GLRA3: variants seen among roughly 807,000 people sequenced by gnomAD.
GLRA3 encodes the protein glycine receptor alpha 3, also known as glycine receptor subunit alpha-3.
In GLRA3, 44 loss-of-function variants were observed where a neutral mutation model predicts 60.4. That is an observed-to-expected ratio of 0.73 (90% confidence interval 0.57 to 0.94). The LOEUF is 0.94. GLRA3 is among the 40% of genes least tolerant of loss of function. GLRA3 has a pLI of 0.00. For missense variants in GLRA3, 508 were observed against 564.6 expected (o/e 0.90, Z 1.02); for synonymous variants, 223 against 192.9 (o/e 1.16, Z -1.29).
intron 2 of GLRA3, among the ~76,000 whole-genome samples, chr4:174,767,485 A>G (rs1469796972): frequency 1.3e-5 from 2 of 151,804 alleles, no homozygotes; most frequent in Non-Finnish European, 2.9e-5. Context: ...CTCCAATCCA[A>G]AGTTTGTTGT....
chr4:174,653,622 T>C (rs1363015837), intron 9 of GLRA3, among the ~76,000 whole-genome samples: 2 of 151,984 alleles, frequency 1.3e-5, no homozygotes, highest in Non-Finnish European at 1.5e-5. Context: ...TGAAATATTA[T>C]AGAGGACGGA....
At chr4:174,689,678 T>C (rs6827743) in intron 5 of GLRA3, among the ~76,000 whole-genome samples, 2,584 of 138,564 alleles carry the variant, frequency 0.019, 69 homozygotes, top group African/African-American at 0.065. Context: ...TTTATGAATC[T>C]ACAAAATGCT....
At chr4:174,733,767 C>T (rs868593884) in intron 3 of GLRA3, among the ~76,000 whole-genome samples, 25 of 152,264 alleles carry the variant, frequency 1.6e-4, no homozygotes, top group Middle Eastern at 6.8e-3. Flanking sequence ...ATGTCTTTCC[C>T]ACATGGCCCT....
At chr4:174,671,798 C>T (rs751476418) in intron 7 of GLRA3, among the ~76,000 whole-genome samples, 12 of 152,050 alleles carry the variant, frequency 7.9e-5, no homozygotes, top group Admixed American at 2.6e-4. Flanking sequence ...TACAGATGCC[C>T]GCCACCACGC....
chr4:174,743,834 GA>G (rs1327760958), intron 3 of GLRA3, among the ~76,000 whole-genome samples: 1 of 151,508 alleles, frequency 6.6e-6, no homozygotes, highest in Admixed American at 6.6e-5. Context: ...TGTTCAAATT[GA>G]AAAAAAACAC....
At chr4:174,806,021 A>G (rs1740035832) in intron 1 of GLRA3, among the ~76,000 whole-genome samples, 1 of 152,120 alleles carries the variant, frequency 6.6e-6, no homozygotes, top group Non-Finnish European at 1.5e-5. Context: ...CTCTCAGAGA[A>G]AAGAGGTCTT....
chr4:174,643,056 T>G lies in GLRA3; in HGVS notation c.*730A>C, dbSNP rs915816507. On this transcript the variant is annotated 3_prime_UTR_variant, in exon 10 of 10. Coordinates refer to ENST00000274093, the MANE Select transcript of GLRA3 (RefSeq NM_006529.4). ...ACTAAAAATACATAGCTATAATACT[T>G]ATTTAAAAACAAAGTTGTTTCCCGT... 1.8e-5 allele frequency: 17 copies of G among 956,030 alleles called. No homozygotes were observed. The highest frequency in any genetic ancestry group is 2.0e-5 in the Non-Finnish European group (16 of 803,976). 59.2% of individuals were successfully genotyped at this position (956,030 alleles called of 1,614,324 possible).
chr4:174,763,550 T>G (rs1338120791), intron 3 of GLRA3, among the ~76,000 whole-genome samples: 1 of 152,236 alleles, frequency 6.6e-6, no homozygotes, highest in Non-Finnish European at 1.5e-5. Context: ...AGAAAACCTT[T>G]CTTTGCATTT....
rs1221217453 is a variant in GLRA3, at chr4:174,733,878, C to T, written c.268-5180G>A. 2.0e-5 allele frequency among the ~76,000 whole-genome samples: 3 copies of T among 152,086 alleles called. No individual in the cohort carries two copies. In the East Asian group the frequency reaches 5.8e-4, roughly 29 times the overall value. On this transcript the variant is annotated intron_variant, in intron 3 of 9. Coordinates refer to ENST00000274093, the MANE Select transcript of GLRA3 (RefSeq NM_006529.4). ...TCTTCTGTGGCCACATCAGACTGAC[C>T]ATCTCATAAAAGAATAAAAACACCA...
chr4:174,817,186 T>C (rs1233549409), intron 1 of GLRA3, among the ~76,000 whole-genome samples: 1 of 152,210 alleles, frequency 6.6e-6, no homozygotes, highest in Non-Finnish European at 1.5e-5. Context: ...CCAGGAAAAC[T>C]GCAAAATCTT....
At chr4:174,711,517 G>A (rs1176967486) in intron 5 of GLRA3, among the ~76,000 whole-genome samples, 2 of 150,296 alleles carry the variant, frequency 1.3e-5, no homozygotes, top group African/African-American at 4.9e-5. Flanking sequence ...TTGGCTCACT[G>A]CAACCCCCAC....
intron 5 of GLRA3, among the ~76,000 whole-genome samples, chr4:174,712,209 G>C (rs1735742727): frequency 6.6e-6 from 1 of 152,042 alleles, no homozygotes; most frequent in African/African-American, 2.4e-5. Context: ...TTTAGACAAA[G>C]TAGTCTTTTC....
chr4:174,823,096 G>A (rs1024062096), intron 1 of GLRA3, among the ~76,000 whole-genome samples: 4 of 151,988 alleles, frequency 2.6e-5, no homozygotes, highest in Non-Finnish European at 5.9e-5. Context: ...ACTGTTTGTT[G>A]CTAAACAGTT....
At chr4:174,698,019 G>A (rs375119823) in intron 5 of GLRA3, among the ~76,000 whole-genome samples, 1 of 152,072 alleles carries the variant, frequency 6.6e-6, no homozygotes, top group African/African-American at 2.4e-5. Flanking sequence ...GGATGTTGGA[G>A]GTTCAGATCT....
chr4:174,816,199 C>A (rs772777901), intron 1 of GLRA3, among the ~76,000 whole-genome samples: 3 of 152,130 alleles, frequency 2.0e-5, no homozygotes, highest in Admixed American at 6.5e-5. Context: ...ATCTGCATGC[C>A]CCAGTGGGTT....
chr4:174,826,145 C>A (rs941449588), intron 1 of GLRA3, among the ~76,000 whole-genome samples: 7 of 152,054 alleles, frequency 4.6e-5, no homozygotes, highest in African/African-American at 1.4e-4. Flanking sequence ...CAATGATATT[C>A]ATAACAGTAG....
chr4:174,738,878 C>A, intron 3 of GLRA3, among the ~76,000 whole-genome samples: 1 of 152,192 alleles, frequency 6.6e-6, no homozygotes, highest in African/African-American at 2.4e-5. Flanking sequence ...ACATAATATA[C>A]TGCTTACCAC....
chr4:174,797,702 GT>G (rs1739625974), intron 1 of GLRA3, among the ~76,000 whole-genome samples: 3 of 152,044 alleles, frequency 2.0e-5, no homozygotes, highest in African/African-American at 7.2e-5. Flanking sequence ...GGCGGCCAAG[GT>G]GGGAGGATGA....
chr4:174,670,184 A>C (rs1034060674), intron 7 of GLRA3, among the ~76,000 whole-genome samples: 2 of 152,102 alleles, frequency 1.3e-5, no homozygotes, highest in African/African-American at 4.8e-5. Context: ...ATTTCTTAAT[A>C]TATTACCTTT....
Sources: gnomAD v4.1 joint callset for allele counts (sites outside exome capture counted in the v4.1 genomes callset) on GRCh38, gnomAD v4.1.1 for gene constraint, MANE v1.5 for transcripts, NCBI Gene and HGNC (gene_info 2026-07-23, HGNC 2026-07-21) for gene names.